Variants in ATG7 observed in about 807,000 individuals in gnomAD.
ATG7 encodes the protein autophagy related 7, also known as ubiquitin-like modifier-activating enzyme ATG7.
In ATG7, 70 loss-of-function variants were observed where a neutral mutation model predicts 82.4. That is an observed-to-expected ratio of 0.85 (90% CI 0.70 to 1.04). ATG7 has a LOEUF of 1.04. Among genes scored for constraint, ATG7 ranks in the 50% least tolerant of loss-of-function variants. ATG7 has a pLI of 0.00. For missense variants in ATG7, 792 were observed against 864.3 expected (o/e 0.92, Z 1.05); for synonymous variants, 287 against 313.0 (o/e 0.92, Z 0.88).
At chr3:11,374,892 CAAAAAAAAAAAAAAAAAA>C (rs55855960) in intron 18 of ATG7, among the ~76,000 whole-genome samples, 6 of 73,522 alleles carry the variant, frequency 8.2e-5, no homozygotes, top group African/African-American at 1.2e-4. Flanking sequence ...CAACAGAGCT[CAAAAAAAAAAAAAAAAAA>C]AAAAAAAAAA....
chr3:11,521,886 C>A (rs1041515636), intron 20 of ATG7, among the ~76,000 whole-genome samples: 60 of 152,106 alleles, frequency 3.9e-4, no homozygotes, highest in Admixed American at 3.9e-4. Flanking sequence ...ATTTTCCTGA[C>A]ATGGAATGAC....
At chr3:11,373,267 A>AGGTGTGGTG (rs2077162083) in intron 18 of ATG7, among the ~76,000 whole-genome samples, 1 of 140,626 alleles carries the variant, frequency 7.1e-6, no homozygotes, top group African/African-American at 2.7e-5. Flanking sequence ...AAGCCTTTTA[A>AGGTGTGGTG]TTTAAATGTT....
chr3:11,336,686 TGA>T (rs1393319633), intron 11 of ATG7, among the ~76,000 whole-genome samples: 1 of 152,168 alleles, frequency 6.6e-6, no homozygotes, highest in Non-Finnish European at 1.5e-5. Context: ...TTTTATTTTT[TGA>T]GACAGGGTCT....
intron 19 of ATG7, among the ~76,000 whole-genome samples, chr3:11,417,815 A>ATTTTTTT (rs372904207): frequency 1.5e-5 from 1 of 64,952 alleles, no homozygotes; most frequent in Non-Finnish European, 3.5e-5. Context: ...ATTTTATTTT[A>ATTTTTTT]TTTTTTTTTT....
At chr3:11,444,405 G>A (rs1309470171) in intron 20 of ATG7, among the ~76,000 whole-genome samples, 6 of 152,124 alleles carry the variant, frequency 3.9e-5, no homozygotes, top group African/African-American at 1.4e-4. Flanking sequence ...GTCAGATAGG[G>A]CTGAGCTTTG....
At chr3:11,568,107 C>T in the ATG7 span, among the ~76,000 whole-genome samples, 1 of 152,228 alleles carries the variant, frequency 6.6e-6, no homozygotes, top group Non-Finnish European at 1.5e-5. The surrounding 1 kb of genome is among the most constrained non-coding windows in gnomAD (Gnocchi z 5.9). Flanking sequence ...GGGGCTGCAG[C>T]TCCCAAGTGA....
chr3:11,372,470 A>G (rs2077066236), intron 18 of ATG7, among the ~76,000 whole-genome samples: 1 of 150,774 alleles, frequency 6.6e-6, no homozygotes, highest in South Asian at 2.1e-4. Context: ...CTTTTTCAAG[A>G]CATAACTGAT....
At chr3:11,359,742 G>A (rs969286119) in intron 15 of ATG7, among the ~76,000 whole-genome samples, 5 of 150,876 alleles carry the variant, frequency 3.3e-5, no homozygotes, top group African/African-American at 4.9e-5. Context: ...CCAACTATGC[G>A]GAGCCAGGCA....
At chr3:11,509,144 T>C (rs2091909311) in intron 20 of ATG7, among the ~76,000 whole-genome samples, 1 of 152,264 alleles carries the variant, frequency 6.6e-6, no homozygotes, top group Non-Finnish European at 1.5e-5. Context: ...TGGTTTTTTT[T>C]CTTTCCAAGT....
chr3:11,498,723 A>G lies in ATG7; in HGVS notation c.2080-56088A>G, dbSNP rs928602182. 2.6e-5 allele frequency among the ~76,000 whole-genome samples: 4 copies of G among 152,146 alleles called. No homozygotes were observed. The East Asian group carries it at 7.7e-4, about 29-fold the overall frequency. On this transcript the variant is annotated intron_variant, in intron 20 of 20. Coordinates refer to ENST00000693202, the MANE Select transcript of ATG7 (RefSeq NM_001349232.2). The stretch of plus-strand genomic sequence containing the variant: ...CCTCTTTTTCCTCTTTCCCCTTCTA[A>G]TTGCTCTTTCTCCTTTCTGTAGGTC...
chr3:11,497,558 C>A (rs977021999), intron 20 of ATG7, among the ~76,000 whole-genome samples: 2 of 139,472 alleles, frequency 1.4e-5, no homozygotes, highest in African/African-American at 2.6e-5. Flanking sequence ...AAAAAAAATT[C>A]TGTCCCCCTA....
chr3:11,552,599 G>A (rs1442071031), intron 20 of ATG7, among the ~76,000 whole-genome samples: 6 of 152,188 alleles, frequency 3.9e-5, no homozygotes, highest in Non-Finnish European at 7.3e-5. Flanking sequence ...CCAATGGGAC[G>A]AAGCCAGTGG....
At chr3:11,316,481 A>G (rs549863261) in intron 9 of ATG7, among the ~76,000 whole-genome samples, 17 of 152,310 alleles carry the variant, frequency 1.1e-4, no homozygotes, top group African/African-American at 3.4e-4. Context: ...TTGAAATTCT[A>G]TCTCCACTGT....
intron 19 of ATG7, among the ~76,000 whole-genome samples, chr3:11,381,599 C>T (rs1198269800): frequency 6.6e-6 from 1 of 152,202 alleles, no homozygotes; most frequent in East Asian, 1.9e-4. Context: ...TTTTCTTTCA[C>T]ACTTATTGTA....
chr3:11,520,210 C>T (rs970745736), intron 20 of ATG7, among the ~76,000 whole-genome samples: 20 of 152,168 alleles, frequency 1.3e-4, no homozygotes, highest in African/African-American at 4.8e-4. Flanking sequence ...AGGATTCGAA[C>T]CCACTTAGGC....
chr3:11,492,389 G>A (rs1344694645), intron 20 of ATG7, among the ~76,000 whole-genome samples: 2 of 152,172 alleles, frequency 1.3e-5, no homozygotes, highest in Non-Finnish European at 2.9e-5. Flanking sequence ...GATGAACCCA[G>A]TACCTCAGAT....
chr3:11,407,322 G>A (rs148867945), intron 19 of ATG7, among the ~76,000 whole-genome samples: 1 of 152,354 alleles, frequency 6.6e-6, no homozygotes, highest in East Asian at 1.9e-4. Context: ...GGTTCCCATG[G>A]TCTTGGGCAG....
chr3:11,562,064 A>AT (rs1466125281), downstream of ATG7, among the ~76,000 whole-genome samples: 6 of 151,814 alleles, frequency 4.0e-5, no homozygotes, highest in Non-Finnish European at 8.8e-5. Flanking sequence ...CGCCTGGCTA[A>AT]TTTTTGTACT....
chr3:11,488,839 A>T (rs1165278462), intron 20 of ATG7, among the ~76,000 whole-genome samples: 1 of 152,312 alleles, frequency 6.6e-6, no homozygotes, highest in Non-Finnish European at 1.5e-5. Context: ...ATCAATGTTC[A>T]TCAAGGATAT....
Sources: gnomAD v4.1 joint callset for allele counts (sites outside exome capture counted in the v4.1 genomes callset) on GRCh38, gnomAD v4.1.1 for gene constraint, Gnocchi (gnomAD v3.1) non-coding constraint, MANE v1.5 for transcripts, NCBI Gene and HGNC (gene_info 2026-07-23, HGNC 2026-07-21) for gene names.